Variants in DNAH10 observed in about 807,000 individuals in gnomAD.
The protein encoded by DNAH10 is dynein axonemal heavy chain 10.
In DNAH10, 348 loss-of-function variants were observed where a neutral mutation model predicts 506.6. The ratio of observed to expected loss-of-function variants is 0.69; its 90% CI spans 0.63 to 0.75. The LOEUF (loss-of-function observed/expected upper bound fraction) is 0.75, where lower values mean the gene tolerates loss of function less well. DNAH10 is among the 30% of genes least tolerant of loss of function. The pLI is 0.00. For synonymous variants in DNAH10, 2,059 were observed against 2,198.6 expected (o/e 0.94, Z 1.78); for missense variants, 5,179 against 5,787.1 (o/e 0.89, Z 3.41).
intron 13 of DNAH10, among the ~76,000 whole-genome samples, chr12:123,797,850 A>G (rs182116062): frequency 5.3e-5 from 8 of 152,286 alleles, no homozygotes; most frequent in Admixed American, 2.6e-4. Context: ...TTTATATGTT[A>G]TATAGCAGAG....
chr12:123,827,540 G>A (rs1960120650), intron 25 of DNAH10, among the ~76,000 whole-genome samples: 1 of 152,186 alleles, frequency 6.6e-6, no homozygotes, highest in Non-Finnish European at 1.5e-5. Flanking sequence ...ATGGGTCTGT[G>A]TTTATTTGGT....
At chr12:123,782,064 G>A (rs1402858855) in intron 6 of DNAH10, among the ~76,000 whole-genome samples, 1 of 152,146 alleles carries the variant, frequency 6.6e-6, no homozygotes, top group Non-Finnish European at 1.5e-5. Context: ...GATGTCTAGA[G>A]ATTCTATTTC....
chr12:123,924,917 G>C (rs1470744194), intron 67 of DNAH10, 133 bp from the exon 68 acceptor site: 1 of 1,170,130 alleles, frequency 8.5e-7, no homozygotes, highest in Non-Finnish European at 1.2e-6. Flanking sequence ...TGACAGATCT[G>C]ACCAGGTGGC....
chr12:123,773,063 T>C, intron 4 of DNAH10, 121 bp downstream of exon 4: 1 of 673,166 alleles, frequency 1.5e-6, no homozygotes, highest in Non-Finnish European at 2.5e-6. Flanking sequence ...GCTCTCTTTC[T>C]TTTCCATACT....
At position 123,835,480 on chromosome 12, in the gene DNAH10, T is replaced by G. The variant is rs768079362; in HGVS notation, c.4854T>G (p.Leu1618=). The part of the protein sequence containing the change: ...IFIGGDIRSQ[L]PEEAKKFDNI... The stretch of plus-strand genomic sequence containing the variant: ...TTGGTGGAGATATAAGATCACAACT[T>G]CCGGAAGAGGCAAAAAAGTTTGACA... The change falls in exon 28 of 79, where the codon CTT becomes CTG. Residue 1618 remains leucine (L), a synonymous_variant. Transcript: ENST00000673944. 1.1e-5 allele frequency: 18 copies of G among 1,608,480 alleles called. No homozygotes were observed. The highest frequency in any genetic ancestry group is 8.0e-5 in the African/African-American group (6 of 74,896).
At chr12:123,769,571 G>A (rs190945482) in intron 2 of DNAH10, among the ~76,000 whole-genome samples, 93 of 152,332 alleles carry the variant, frequency 6.1e-4, no homozygotes, top group Middle Eastern at 3.4e-3. Flanking sequence ...TCGGAGCCCA[G>A]TACATCCATG....
intron 62 of DNAH10, 72 bp downstream of exon 62, chr12:123,915,071 T>G (rs1399225745): frequency 1.3e-6 from 2 of 1,499,048 alleles, no homozygotes; most frequent in Admixed American, 2.2e-5. Flanking sequence ...TCCCGCCTCC[T>G]GTACGTGGCA....
chr12:123,902,842 A>G lies in DNAH10; in HGVS notation c.9641-97A>G. The G allele has an allele frequency of 7.0e-7, 1 of 1,427,420 alleles. No homozygotes were observed. Among genetic ancestry groups the G allele is most frequent in the South Asian group, 1.5e-5 (1 of 66,990 alleles). 88.4% of individuals were successfully genotyped at this position (1,427,420 alleles called of 1,614,324 possible). On this transcript the variant is annotated intron_variant, in intron 56 of 78. Coordinates refer to ENST00000673944, the MANE Select transcript of DNAH10 (RefSeq NM_001372106.1). The surrounding 1 kb of genome is among the most constrained non-coding windows in gnomAD (Gnocchi z 4.5). ...GCCCCTTAGATCCCCGCTAGGGCTC[A>G]AGCCAACCTTTGAGGACTGCACTCT...
At position 123,926,850 on chromosome 12, in the gene DNAH10, A is replaced by G; in HGVS notation, c.12105+30A>G. 2 of 1,610,632 alleles carry G rather than the reference A, an allele frequency of 1.2e-6. No homozygotes were observed. Among genetic ancestry groups the G allele is most frequent in the Non-Finnish European group, 1.7e-6 (2 of 1,179,150 alleles). On this transcript the variant is annotated intron_variant, in intron 69 of 78. Coordinates refer to ENST00000673944, the MANE Select transcript of DNAH10 (RefSeq NM_001372106.1). This position sits in a 1 kb window ranked among gnomAD's most constrained non-coding sequence, Gnocchi z 4.1. ...TTTGTGGCTGAAAGGAACAAGCTCT[A>G]CGTTTAGGGGAGGTCCCTGGTGTCT...
At chr12:123,810,284 T>C (rs746828669) in intron 19 of DNAH10, among the ~76,000 whole-genome samples, 4 of 152,248 alleles carry the variant, frequency 2.6e-5, no homozygotes, top group Non-Finnish European at 4.4e-5. Flanking sequence ...CATCTTCCTC[T>C]TCACTTGGCT....
Position 123,875,237 on chromosome 12 carries a change from G to C in DNAH10, c.7945G>C (p.Glu2649Gln). 7 of 1,608,514 alleles carry C rather than the reference G, an allele frequency of 4.4e-6. No homozygotes were observed. Among genetic ancestry groups the C allele is most frequent in the Non-Finnish European group, 5.9e-6 (7 of 1,176,922 alleles). The change falls in exon 47 of 79, where the codon GAA (glutamate) becomes CAA (glutamine). Residue 2649 changes from glutamate to glutamine, a missense_variant. Around this residue, in one of 3 missense-constraint regions of DNAH10, gnomAD observed 4,844 missense variants for 5,430.5 expected, o/e 0.89. Coordinates refer to ENST00000673944, the MANE Select transcript of DNAH10 (RefSeq NM_001372106.1). ...TTTTTTAAAAAAAATCAAGGTGGATGAATATGGCACGCAGCAGCCCATTGC... is the reference window on the plus strand; with the variant it reads ...TTTTTTAAAAAAAATCAAGGTGGATCAATATGGCACGCAGCAGCCCATTGC... ...MDDMNMPRVDEYGTQQPIALL... is the reference protein window; with the variant it reads ...MDDMNMPRVDQYGTQQPIALL...
rs1950983570 is a variant in DNAH10 at position 123,847,187 on chromosome 12, CATCCATGT to C, written c.5815-770_5815-763del. 2.0e-5 allele frequency among the ~76,000 whole-genome samples: 3 copies of C among 148,988 alleles called. No individual in the cohort carries two copies. In the East Asian group the frequency reaches 5.8e-4, roughly 29 times the overall value. On this transcript the variant is annotated intron_variant, in intron 32 of 78. Transcript: ENST00000673944. ...CCATCCATCCATCCATCCATCCATCCATCCATGTATCTATCCATCCATCCATCCTATTA... is the reference window on the plus strand; with the variant it reads ...CCATCCATCCATCCATCCATCCATCCATCTATCCATCCATCCATCCTATTA...
chr12:123,813,165 A>G lies in DNAH10; in HGVS notation c.3146A>G (p.His1049Arg). The G allele has an allele frequency of 1.3e-6, 2 of 1,599,772 alleles. No individual in the cohort carries two copies. Among genetic ancestry groups the G allele is most frequent in the South Asian group, 1.1e-5 (1 of 89,198 alleles). The change falls in exon 20 of 79, where the codon CAT becomes CGT. Residue 1049 changes from histidine to arginine, a missense_variant and splice_region_variant. His to Arg is a conservative substitution (Grantham distance 29). Transcript: ENST00000673944. The part of the protein sequence containing the change: ...CVRNCVEITK[H>R]FVRWMNGSCI... ...TTCTCCTAATTCTTACTTTGCCAGC[A>G]TTTTGTTCGTTGGATGAATGGCAGC...
chr12:123,904,530 A>G (rs1953685817), intron 57 of DNAH10, among the ~76,000 whole-genome samples: 1 of 151,700 alleles, frequency 6.6e-6, no homozygotes, highest in African/African-American at 2.4e-5. Context: ...AGTGGGGGGG[A>G]GCTTCCATGG....
rs114994276 is a variant in DNAH10, at chr12:123,819,160, G to A, written c.3910G>A (p.Glu1304Lys). ...TCGTTTTTCTCAGCTTACTCGAGGC[G>A]AAATAATGAACTACAGAGTTCAGAT... The part of the protein sequence containing the change: ...KRTFTELTRG[E>K]IMNYRVQIEE... The change falls in exon 23 of 79, where the codon GAA (glutamate) becomes AAA (lysine). Residue 1304 changes from glutamate (E) to lysine (K), a missense_variant. By Grantham distance (56) the Glu-to-Lys change is moderately conservative (BLOSUM62 1). Coordinates refer to ENST00000673944, the MANE Select transcript of DNAH10 (RefSeq NM_001372106.1). 2.1e-3 allele frequency: 3,320 copies of A among 1,613,210 alleles called. 48 individuals are homozygous for A. The African/African-American group carries it at 0.034, about 16-fold the overall frequency.
intron 44 of DNAH10, among the ~76,000 whole-genome samples, chr12:123,870,711 C>G (rs1468402870): frequency 6.6e-6 from 1 of 152,154 alleles, no homozygotes; most frequent in Non-Finnish European, 1.5e-5. Context: ...GGCTCTGCCT[C>G]TCAGCTCTTT....
At chr12:123,789,286 C>T (rs566086189) in intron 10 of DNAH10, among the ~76,000 whole-genome samples, 21 of 152,124 alleles carry the variant, frequency 1.4e-4, no homozygotes, top group African/African-American at 3.9e-4. Context: ...GTGGAATCAC[C>T]GTAGCTAGTG....
At position 123,787,616 on chromosome 12, in the gene DNAH10, T is replaced by C. The variant is rs1040179457; in HGVS notation, c.1422-188T>C. Among the ~76,000 whole-genome samples the C allele has an allele frequency of 6.6e-6, 1 of 152,220 alleles. No individual in the cohort carries two copies. Among genetic ancestry groups the C allele is most frequent in the African/African-American group, 2.4e-5 (1 of 41,458 alleles). On this transcript the variant is annotated intron_variant, in intron 9 of 78. Coordinates refer to ENST00000673944, the MANE Select transcript of DNAH10 (RefSeq NM_001372106.1). The surrounding 1 kb of genome is among the most constrained non-coding windows in gnomAD (Gnocchi z 4.6). ...GCGGCTGCAACGGAAACCTCGCAGCTTGGGACTCCCGCCCTTGCACATGGG... is the reference window on the plus strand; with the variant it reads ...GCGGCTGCAACGGAAACCTCGCAGCCTGGGACTCCCGCCCTTGCACATGGG...
chr12:123,806,084 T>A (rs1234961768), intron 18 of DNAH10, among the ~76,000 whole-genome samples: 3 of 152,114 alleles, frequency 2.0e-5, no homozygotes, highest in African/African-American at 4.8e-5. Context: ...CCACCCCGCC[T>A]GACATTTTTC....
Sources: allele counts gnomAD v4.1 joint callset (sites outside exome capture counted in the v4.1 genomes callset), GRCh38; gene constraint gnomAD v4.1.1; regional missense constraint gnomAD v4.1.1; non-coding constraint Gnocchi (gnomAD v3.1); transcripts MANE v1.5; gene names NCBI Gene and HGNC (gene_info 2026-07-23, HGNC 2026-07-21).